The following DMXL1 variants were observed in gnomAD, a reference collection of about 807,000 sequenced individuals.
DMXL1 encodes Dmx like 1, also known as dmX-like protein 1.
In DMXL1, 99 loss-of-function variants were observed where a neutral mutation model predicts 319.2. The ratio of observed to expected loss-of-function variants is 0.31; its 90% CI spans 0.26 to 0.37. DMXL1 has a LOEUF of 0.37. Among genes scored for constraint, DMXL1 ranks in the 10% least tolerant of loss-of-function variants. The probability of loss-of-function intolerance (pLI) is 1.00; values close to 1 mark genes in which losing one functional copy is unlikely to be tolerated. For synonymous variants in DMXL1, 1,385 were observed against 1,235.2 expected, an observed-to-expected ratio of 1.12 and a Z score of -2.54; for missense variants, 3,745 against 3,595.6, an observed-to-expected ratio of 1.04 and a Z score of -1.06.
intron 34 of DMXL1, among the ~76,000 whole-genome samples, chr5:119,216,275 T>G (rs1783687251): frequency 2.0e-5 from 3 of 152,134 alleles, no homozygotes; most frequent in African/African-American, 4.8e-5. Flanking sequence ...AAGCAGAAGG[T>G]CAAATATATG....
At chr5:119,204,127 A>C (rs1464921587) in intron 33 of DMXL1, among the ~76,000 whole-genome samples, 2 of 151,148 alleles carry the variant, frequency 1.3e-5, no homozygotes, top group African/African-American at 2.4e-5. Context: ...CGGCCTGAAA[A>C]ATTTTTATTG....
chr5:119,168,605 T>C (rs970504796), intron 23 of DMXL1, among the ~76,000 whole-genome samples: 2 of 152,212 alleles, frequency 1.3e-5, no homozygotes, highest in African/African-American at 4.8e-5. Flanking sequence ...GCTGTGTGAC[T>C]CATTTGTTTA....
chr5:119,144,707 T>C lies in DMXL1; in HGVS notation c.2569+69T>C, dbSNP rs1007879571. ...ATGTTAGGCAGTTAATAAAGATGAA[T>C]TGGTAAAATGCTTTACATTGTCTAT... On this transcript the variant is annotated intron_variant, in intron 15 of 43. Transcript: ENST00000539542. The C allele has an allele frequency of 4.2e-6, 4 of 961,624 alleles. No individual in the cohort carries two copies. In the African/African-American group the frequency reaches 5.1e-5, roughly 12 times the overall value. 59.6% of individuals were successfully genotyped at this position (961,624 alleles called of 1,614,324 possible). A position where few individuals can be genotyped will look rare whatever the true frequency, so the allele number is the denominator to read the frequency against.
chr5:119,127,148 T>A (rs994846311), intron 9 of DMXL1: 1 of 160,050 alleles, frequency 6.2e-6, no homozygotes, highest in Admixed American at 6.5e-5. Context: ...GTGGTTTTCG[T>A]AATGGGCATT....
chr5:119,145,489 TG>T (rs1768317159), intron 15 of DMXL1, among the ~76,000 whole-genome samples: 1 of 151,752 alleles, frequency 6.6e-6, no homozygotes, highest in Admixed American at 6.6e-5. Flanking sequence ...ATGCTAAAAA[TG>T]GGGATTAAAG....
At chr5:119,072,372 TAAC>T (rs1373530029) in intron 1 of DMXL1, among the ~76,000 whole-genome samples, 3 of 152,104 alleles carry the variant, frequency 2.0e-5, no homozygotes, top group African/African-American at 7.2e-5. Context: ...TTTTTTTTAA[TAAC>T]AATTTCAAAA....
intron 1 of DMXL1, among the ~76,000 whole-genome samples, chr5:119,083,207 A>T (rs1316233915): frequency 6.6e-6 from 1 of 151,990 alleles, no homozygotes; most frequent in Non-Finnish European, 1.5e-5. Flanking sequence ...TATATTTTTT[A>T]GTAGAGATGG....
At chr5:119,105,035 T>C (rs1758029360) in intron 3 of DMXL1, 145 bp from the exon 4 acceptor site, 1 of 580,134 alleles carries the variant, frequency 1.7e-6, no homozygotes, top group Non-Finnish European at 3.2e-6. Flanking sequence ...TCATGTGTTC[T>C]CTATTTTTGT....
chr5:119,237,144 T>A (rs1213265338), intron 39 of DMXL1, 178 bp from the exon 40 acceptor site: 2 of 372,986 alleles, frequency 5.4e-6, no homozygotes, highest in African/African-American at 4.2e-5. Flanking sequence ...ACCCTGGGAT[T>A]TTTAAAGTAG....
At chr5:119,120,828 T>C in intron 8 of DMXL1, 143 bp from the exon 9 acceptor site, 1 of 551,652 alleles carries the variant, frequency 1.8e-6, no homozygotes, top group South Asian at 5.7e-5. Context: ...TTTTTACATA[T>C]AAAATGTTAA....
intron 35 of DMXL1, among the ~76,000 whole-genome samples, chr5:119,219,277 C>G (rs569115814): frequency 1.8e-4 from 27 of 152,202 alleles, no homozygotes; most frequent in African/African-American, 6.0e-4. Context: ...AGCATACTTG[C>G]CCTTTGCTCT....
intron 29 of DMXL1, 85 bp downstream of exon 29, chr5:119,189,971 C>A: frequency 7.4e-7 from 1 of 1,349,606 alleles, no homozygotes; most frequent in South Asian, 1.4e-5. Flanking sequence ...TTGGTGCTTC[C>A]AAATGTTTTC....
rs373082756 is a variant in DMXL1 at position 119,134,222 on chromosome 5, A to G, written c.2254+44A>G. On this transcript the variant is annotated intron_variant, in intron 12 of 43. Coordinates refer to ENST00000539542, the MANE Select transcript of DMXL1 (RefSeq NM_001290321.3). Reference sequence around the variant, plus strand: ...ATTACAGTAATTTAGATTTGCTGACATTATCATCAAAGGGTGAAATTTTAA... The same window carrying G: ...ATTACAGTAATTTAGATTTGCTGACGTTATCATCAAAGGGTGAAATTTTAA... 3 of 1,605,110 alleles carry G rather than the reference A, an allele frequency of 1.9e-6. No individual in the cohort carries two copies. In the African/African-American group the frequency reaches 4.0e-5, roughly 22 times the overall value.
In DMXL1 at chr5:119,247,085, A is replaced by G; in HGVS notation, c.9013A>G (p.Met3005Val). 2 of 1,614,158 alleles carry G rather than the reference A, an allele frequency of 1.2e-6. No individual in the cohort carries two copies. Among genetic ancestry groups the G allele is most frequent in the Non-Finnish European group, 1.7e-6 (2 of 1,179,996 alleles). ...SIFRNIGTGVMQIETGPANHI... is the reference protein window; with the variant it reads ...SIFRNIGTGVVQIETGPANHI... ...TTTTAGAAATATTGGAACTGGAGTG[A>G]TGCAAATTGAGACAGGGCCTGCAAA... Residue 3005 changes from methionine to valine, a missense_variant, in exon 44 of 44, where the codon ATG becomes GTG. Transcript: ENST00000539542.
chr5:119,120,856 A>C (rs1761886532), intron 8 of DMXL1, 115 bp from the exon 9 acceptor site: 1 of 833,128 alleles, frequency 1.2e-6, no homozygotes, highest in East Asian at 2.9e-5. Flanking sequence ...TTTTACATAT[A>C]AAACATGTAA....
At chr5:119,182,820 G>A (rs963329909) in intron 28 of DMXL1, among the ~76,000 whole-genome samples, 10 of 152,062 alleles carry the variant, frequency 6.6e-5, no homozygotes, top group Non-Finnish European at 1.0e-4. Flanking sequence ...ATGGAACTCT[G>A]AATTGTTTTG....
At chr5:119,152,642 A>T (rs370994482) in intron 19 of DMXL1, among the ~76,000 whole-genome samples, 9 of 152,212 alleles carry the variant, frequency 5.9e-5, no homozygotes, top group African/African-American at 2.2e-4. Flanking sequence ...TTATTAAACG[A>T]TTATTGTAGG....
chr5:119,118,447 A>G (rs994566677), intron 7 of DMXL1, among the ~76,000 whole-genome samples: 3 of 152,092 alleles, frequency 2.0e-5, no homozygotes, highest in Non-Finnish European at 4.4e-5. Context: ...TTTAGATGTA[A>G]AAAGAATCTT....
chr5:119,226,212 T>C (rs1336853231), intron 38 of DMXL1, among the ~76,000 whole-genome samples: 4 of 152,202 alleles, frequency 2.6e-5, no homozygotes, highest in Admixed American at 6.6e-5. Flanking sequence ...CTGCCAAAAC[T>C]AGCAGATAAG....
Sources: allele counts gnomAD v4.1 joint callset (sites outside exome capture counted in the v4.1 genomes callset), GRCh38; gene constraint gnomAD v4.1.1; transcripts MANE v1.5; gene names NCBI Gene and HGNC (gene_info 2026-07-23, HGNC 2026-07-21).